Variants in PHLPP1 observed in about 807,000 individuals in gnomAD.
The protein encoded by PHLPP1 is PH domain and leucine rich repeat protein phosphatase 1.
PHLPP1 carries 42 observed loss-of-function variants against 117.2 expected under a neutral mutation model. That is an observed-to-expected ratio of 0.36 (90% CI 0.28 to 0.46). The LOEUF (loss-of-function observed/expected upper bound fraction) is 0.46. PHLPP1 is among the 20% of genes least tolerant of loss of function. The pLI is 1.00. For synonymous variants in PHLPP1, 1,042 were observed against 970.7 expected, an observed-to-expected ratio of 1.07 and a Z score of -1.37; for missense variants, 2,084 against 2,241.9, an observed-to-expected ratio of 0.93 and a Z score of 1.42.
intron 14 of PHLPP1, among the ~76,000 whole-genome samples, chr18:62,967,566 C>T (rs915764608): frequency 6.6e-6 from 1 of 151,636 alleles, no homozygotes; most frequent in African/African-American, 2.4e-5. Flanking sequence ...TGTTAGCTCT[C>T]GGTATTTTTG....
At chr18:62,766,076 A>AAAAAATGTATATATATATATATATAT in intron 1 of PHLPP1, among the ~76,000 whole-genome samples, 1 of 21,648 alleles carries the variant, frequency 4.6e-5, no homozygotes, top group Admixed American at 7.9e-4. Flanking sequence ...AAAAAAAAAA[A>AAAAAATGTATATATATATATATATAT]ATATATATAT....
chr18:62,905,173 T>C (rs1916814741), intron 7 of PHLPP1, 51 bp from the exon 8 acceptor site: 5 of 1,172,152 alleles, frequency 4.3e-6, no homozygotes, highest in Non-Finnish European at 5.9e-6. Context: ...AAAGAGTCTC[T>C]ATGTCATTTG....
intron 3 of PHLPP1, among the ~76,000 whole-genome samples, chr18:62,848,986 A>G (rs1915253645): frequency 2.0e-5 from 3 of 152,228 alleles, no homozygotes; most frequent in Admixed American, 6.5e-5. Flanking sequence ...AAATATCTCA[A>G]TAAAGTACTT....
At chr18:62,814,046 C>A (rs1175546406) in intron 1 of PHLPP1, among the ~76,000 whole-genome samples, 4 of 151,642 alleles carry the variant, frequency 2.6e-5, no homozygotes, top group Admixed American at 2.6e-4. Context: ...ACCAGTTAAT[C>A]AGTATTATAA....
At chr18:62,851,968 C>T (rs917229134) in intron 3 of PHLPP1, among the ~76,000 whole-genome samples, 7 of 151,934 alleles carry the variant, frequency 4.6e-5, no homozygotes. Flanking sequence ...CCTCAAGCTT[C>T]TGGGCTCAAG....
intron 1 of PHLPP1, among the ~76,000 whole-genome samples, chr18:62,762,041 T>C (rs1310986961): frequency 6.6e-6 from 1 of 152,214 alleles, no homozygotes; most frequent in Non-Finnish European, 1.5e-5. Flanking sequence ...ACCTAAGTAA[T>C]ATTTTTTATT....
At chr18:62,899,807 T>C (rs1916666947) in intron 6 of PHLPP1, among the ~76,000 whole-genome samples, 1 of 152,102 alleles carries the variant, frequency 6.6e-6, no homozygotes, top group South Asian at 2.1e-4. Flanking sequence ...GTAGCTGGGA[T>C]GAAAAGTACA....
At chr18:62,744,291 A>C (rs1447547219) in intron 1 of PHLPP1, among the ~76,000 whole-genome samples, 1 of 152,188 alleles carries the variant, frequency 6.6e-6, no homozygotes, top group Non-Finnish European at 1.5e-5. Context: ...CTGGTCCCAG[A>C]GGCCTGCTGG....
At chr18:62,748,588 T>C (rs1911749791) in intron 1 of PHLPP1, among the ~76,000 whole-genome samples, 2 of 152,216 alleles carry the variant, frequency 1.3e-5, no homozygotes, top group Non-Finnish European at 2.9e-5. Context: ...TGGAATCTTT[T>C]TCTCATTATA....
rs761501475 is a variant in PHLPP1 at position 62,978,872 on chromosome 18, C to G, written c.4595C>G (p.Ser1532Cys). 6.2e-7 allele frequency: 1 copy of G among 1,607,152 alleles called. No homozygotes were observed. The highest frequency in any genetic ancestry group is 1.1e-5 in the South Asian group (1 of 89,724). The stretch of plus-strand genomic sequence containing the variant: ...TCCAACTCCTTCCAGCGCCAGCTAT[C>G]CAGCGCCACGTTCTCTAGCGCCTTC... ...CLSNSFQRQL[S>C]SATFSSAFSD... is the part of the protein sequence containing the mutation. Residue 1532 changes from serine (S) to cysteine (C), a missense_variant, in exon 17 of 17, where the codon TCC (serine) becomes TGC (cysteine). This residue lies in a region of PHLPP1 where 1,365 missense variants were observed against 1,605.9 expected (regional missense o/e 0.85). Coordinates refer to ENST00000262719, the MANE Select transcript of PHLPP1 (RefSeq NM_194449.4). This position sits in a 1 kb window ranked among gnomAD's most constrained non-coding sequence, Gnocchi z 7.0.
At chr18:62,915,217 G>C (rs1269867250) in intron 9 of PHLPP1, among the ~76,000 whole-genome samples, 1 of 152,208 alleles carries the variant, frequency 6.6e-6, no homozygotes, top group African/African-American at 2.4e-5. Context: ...CTGTCAGCCA[G>C]ACTTTTCAAA....
chr18:62,860,776 A>T (rs908983255), intron 4 of PHLPP1, among the ~76,000 whole-genome samples, 175 bp downstream of exon 4: 5 of 152,086 alleles, frequency 3.3e-5, no homozygotes, highest in Non-Finnish European at 5.9e-5. Context: ...TCAATCTGAA[A>T]TTTTTTTTAA....
At chr18:62,796,222 A>G (rs530367180) in intron 1 of PHLPP1, among the ~76,000 whole-genome samples, 1 of 152,382 alleles carries the variant, frequency 6.6e-6, no homozygotes, top group Non-Finnish European at 1.5e-5. Context: ...AGCTGTAATA[A>G]TAATAGTAAA....
At chr18:62,723,401 A>G (rs184555430) in intron 1 of PHLPP1, among the ~76,000 whole-genome samples, 5 of 138,714 alleles carry the variant, frequency 3.6e-5, no homozygotes, top group East Asian at 1.9e-4. Flanking sequence ...GACCATTTCA[A>G]TAATGAGTGA....
chr18:62,876,054 G>C (rs1916042872), intron 4 of PHLPP1, among the ~76,000 whole-genome samples: 2 of 152,094 alleles, frequency 1.3e-5, no homozygotes, highest in Non-Finnish European at 2.9e-5. Flanking sequence ...TTAGAAGGAA[G>C]TGAGACTGGT....
chr18:62,938,089 C>G (rs1404080714), intron 10 of PHLPP1, among the ~76,000 whole-genome samples: 2 of 152,114 alleles, frequency 1.3e-5, no homozygotes, highest in African/African-American at 2.4e-5. Context: ...GAAAAGAAAA[C>G]AGTCATATGT....
chr18:62,736,624 A>G (rs1911376708), intron 1 of PHLPP1, among the ~76,000 whole-genome samples: 1 of 152,212 alleles, frequency 6.6e-6, no homozygotes, highest in South Asian at 2.1e-4. Flanking sequence ...TGGCGACATA[A>G]TGAATGAAAG....
rs1909407457 is a variant in PHLPP1, at chr18:62,919,822, A to T, written c.2805-137A>T. On this transcript the variant is annotated intron_variant, in intron 9 of 16. Transcript: ENST00000262719. ...TTTTTGAGTATATAGAAAGTATTGA[A>T]ACAAATAGTTTCAAGTTTGAATTTA... 7.5e-6 allele frequency: 5 copies of T among 668,306 alleles called. No homozygotes were observed. In the Admixed American group the frequency reaches 1.2e-4, roughly 16 times the overall value. 41.4% of individuals were successfully genotyped at this position (668,306 alleles called of 1,614,324 possible). A position where few individuals can be genotyped will look rare whatever the true frequency, so the allele number is the denominator to read the frequency against.
Position 62,717,075 on chromosome 18 carries a change from G to T in PHLPP1, c.1392G>T (p.Pro464=), listed in dbSNP as rs1170801567. Residue 464 remains proline, a synonymous_variant, in exon 1 of 17, where the codon CCG becomes CCT. Transcript: ENST00000262719. ...RSGVTAEKAP[P]PPPPPTLYVQ... ...GGGTGACCGCGGAGAAGGCGCCTCC[G>T]CCGCCCCCGCCGCCCACCCTGTACG... 1 of 872,692 alleles carries T rather than the reference G, an allele frequency of 1.1e-6. No individual in the cohort carries two copies. Among genetic ancestry groups the T allele is most frequent in the East Asian group, 5.0e-5 (1 of 19,958 alleles). The allele number at this position is 872,692 out of a possible 1,614,324, so 54.1% of individuals were successfully genotyped here. A position where few individuals can be genotyped will look rare whatever the true frequency, so the allele number is the denominator to read the frequency against.
Sources: gnomAD v4.1 joint callset for allele counts (sites outside exome capture counted in the v4.1 genomes callset) on GRCh38, gnomAD v4.1.1 for gene constraint, gnomAD v4.1.1 regional missense constraint, Gnocchi (gnomAD v3.1) non-coding constraint, MANE v1.5 for transcripts, NCBI Gene and HGNC (gene_info 2026-07-23, HGNC 2026-07-21) for gene names.